Variants in KAZN observed in about 807,000 individuals in gnomAD.
The protein encoded by KAZN is kazrin.
Under a neutral mutation model 87.4 loss-of-function variants are expected in KAZN, and 40 were observed. That is an observed-to-expected ratio of 0.46 (90% CI 0.36 to 0.60). The LOEUF (loss-of-function observed/expected upper bound fraction) is 0.60. Among genes scored for constraint, KAZN ranks in the 20% least tolerant of loss-of-function variants. KAZN has a pLI of 0.00. For missense variants in KAZN, 898 were observed against 1,073.9 expected (o/e 0.84, Z 2.29); for synonymous variants, 466 against 458.3 (o/e 1.02, Z -0.22).
At chr1:14,105,469 A>G (rs372369089) in intron 1 of KAZN, among the ~76,000 whole-genome samples, 1 of 152,194 alleles carries the variant, frequency 6.6e-6, no homozygotes. Context: ...TGACCCAGAC[A>G]TTACTGAGCC....
At chr1:14,956,010 T>C (rs1020140323) in intron 1 of KAZN, among the ~76,000 whole-genome samples, 6 of 152,262 alleles carry the variant, frequency 3.9e-5, no homozygotes, top group African/African-American at 1.4e-4. Context: ...TGAAAATGAT[T>C]TGTTGTTTAT....
At chr1:14,667,582 T>C (rs780688564) in intron 1 of KAZN, among the ~76,000 whole-genome samples, 7 of 152,220 alleles carry the variant, frequency 4.6e-5, no homozygotes, top group Non-Finnish European at 8.8e-5. Flanking sequence ...GCCTGTGTTT[T>C]ATCTGAACAA....
intron 2 of KAZN, among the ~76,000 whole-genome samples, chr1:14,528,108 G>C (rs1050657645): frequency 2.6e-5 from 4 of 151,692 alleles, no homozygotes; most frequent in Admixed American, 1.3e-4. Flanking sequence ...CATGTGGTTA[G>C]CACAGGCTTC....
intron 2 of KAZN, among the ~76,000 whole-genome samples, chr1:14,414,986 A>G (rs2101227337): frequency 6.6e-6 from 1 of 152,258 alleles, no homozygotes; most frequent in East Asian, 1.9e-4. Flanking sequence ...AGATCACACC[A>G]CTGCACTCCA....
intron 1 of KAZN, among the ~76,000 whole-genome samples, chr1:14,944,900 C>T (rs563942328): frequency 2.6e-4 from 39 of 152,298 alleles, no homozygotes; most frequent in African/African-American, 8.4e-4. Flanking sequence ...GCCTCTTGCC[C>T]GCCTGCCAGC....
intron 2 of KAZN, among the ~76,000 whole-genome samples, chr1:14,433,784 C>T (rs891280048): frequency 4.6e-5 from 7 of 152,282 alleles, no homozygotes; most frequent in Middle Eastern, 3.4e-3. Flanking sequence ...AGCTTGAACC[C>T]GGGAGGCGGA....
At chr1:13,977,674 G>A (rs542481741) in intron 1 of KAZN, among the ~76,000 whole-genome samples, 19 of 152,258 alleles carry the variant, frequency 1.2e-4, no homozygotes, top group African/African-American at 4.1e-4. Context: ...AAAAACAGGC[G>A]GCCTGGAACT....
intron 2 of KAZN, among the ~76,000 whole-genome samples, chr1:14,349,590 A>T (rs376361057): frequency 6.6e-6 from 1 of 152,184 alleles, no homozygotes; most frequent in Non-Finnish European, 1.5e-5. Flanking sequence ...GCCATTTATC[A>T]TCTTGCACTG....
At chr1:14,072,676 ACCTAGGTTTGAGT>A (rs1643294446) in intron 1 of KAZN, among the ~76,000 whole-genome samples, 1 of 152,134 alleles carries the variant, frequency 6.6e-6, no homozygotes, top group African/African-American at 2.4e-5. Flanking sequence ...AGTCATACTG[ACCTAGGTTTGAGT>A]CCTAGCTTTA....
At chr1:14,771,070 G>A (rs1645006243) in intron 1 of KAZN, among the ~76,000 whole-genome samples, 1 of 152,188 alleles carries the variant, frequency 6.6e-6, no homozygotes. Flanking sequence ...CATCCCCAGT[G>A]TGGGAGGAGG....
At chr1:14,361,585 GA>G (rs1415146085) in intron 2 of KAZN, among the ~76,000 whole-genome samples, 2 of 152,254 alleles carry the variant, frequency 1.3e-5, no homozygotes, top group Non-Finnish European at 2.9e-5. Context: ...GTAGGCACCC[GA>G]GAGAATCTCC....
chr1:14,932,716 G>A (rs1026390128), intron 1 of KAZN, among the ~76,000 whole-genome samples: 7 of 151,744 alleles, frequency 4.6e-5, no homozygotes, highest in Admixed American at 1.3e-4. Flanking sequence ...CCCTGACATC[G>A]GTGGGCTCAA....
In KAZN at chr1:14,826,535, GC is replaced by G. The variant is rs1333204894; in HGVS notation, c.227-134146del. Among the ~76,000 whole-genome samples the G allele has an allele frequency of 3.3e-5, 5 of 152,160 alleles. No individual in the cohort carries two copies. In the East Asian group the frequency reaches 9.7e-4, roughly 29 times the overall value. On this transcript the variant is annotated intron_variant, in intron 1 of 14. Transcript: ENST00000376030. Reference sequence around the variant, plus strand: ...TTGCTGCTCCTGGGGGCGGCTGATGGCCCGTTCCCCATGGGTGTCGCCTCCC... The same window carrying G: ...TTGCTGCTCCTGGGGGCGGCTGATGGCCGTTCCCCATGGGTGTCGCCTCCC...
chr1:14,601,653 C>T (rs938928597), intron 1 of KAZN, among the ~76,000 whole-genome samples: 1 of 152,162 alleles, frequency 6.6e-6, no homozygotes, highest in African/African-American at 2.4e-5. Flanking sequence ...TCGTAATACA[C>T]CTCCAGGGAG....
intron 1 of KAZN, among the ~76,000 whole-genome samples, chr1:14,062,554 A>AT (rs1201809694): frequency 1.3e-5 from 2 of 152,290 alleles, no homozygotes; most frequent in Admixed American, 1.3e-4. Flanking sequence ...TTTACAATAA[A>AT]TTGTAAACAC....
At chr1:14,745,087 T>G (rs540654390) in intron 1 of KAZN, among the ~76,000 whole-genome samples, 17 of 152,212 alleles carry the variant, frequency 1.1e-4, no homozygotes, top group Admixed American at 3.3e-4. Context: ...TTGAATCGCC[T>G]TATGACCTAA....
At chr1:14,454,748 G>C (rs1166272907) in intron 2 of KAZN, among the ~76,000 whole-genome samples, 1 of 152,192 alleles carries the variant, frequency 6.6e-6, no homozygotes, top group Non-Finnish European at 1.5e-5. Flanking sequence ...GAAGGTGTTG[G>C]CCATGCTTGG....
chr1:15,068,045 G>T (rs1428233615), intron 8 of KAZN: 31 of 750,878 alleles, frequency 4.1e-5, no homozygotes, highest in Non-Finnish European at 4.8e-5. Flanking sequence ...TGAGTTATGG[G>T]TAACATTAGA....
intron 2 of KAZN, among the ~76,000 whole-genome samples, chr1:14,570,872 C>T (rs1674821266): frequency 6.6e-6 from 1 of 152,156 alleles, no homozygotes; most frequent in South Asian, 2.1e-4. Context: ...CTAGTTTCTT[C>T]ACTATACCTC....
Sources: allele counts gnomAD v4.1 joint callset (sites outside exome capture counted in the v4.1 genomes callset), GRCh38; gene constraint gnomAD v4.1.1; transcripts MANE v1.5; gene names NCBI Gene and HGNC (gene_info 2026-07-23, HGNC 2026-07-21).